LAMB4: variants seen among roughly 807,000 people sequenced by gnomAD.
The protein encoded by LAMB4 is laminin subunit beta 4, also known as laminin subunit beta-4.
LAMB4 carries 196 observed loss-of-function variants against 199.2 expected under a neutral mutation model. That is an observed-to-expected ratio of 0.98 (90% CI 0.88 to 1.11). LAMB4 has a LOEUF of 1.11. Among genes scored for constraint, LAMB4 ranks in the 50% least tolerant of loss-of-function variants. LAMB4 has a pLI of 0.00. For missense variants in LAMB4, 2,080 were observed against 2,171.2 expected (o/e 0.96, Z 0.83); for synonymous variants, 744 against 770.6 (o/e 0.97, Z 0.57).
intron 19 of LAMB4, among the ~76,000 whole-genome samples, 185 bp downstream of exon 19, chr7:108,067,831 T>C (rs143995770): frequency 6.6e-5 from 10 of 152,348 alleles, no homozygotes; most frequent in Admixed American, 2.0e-4. Context: ...TCAGGGCCCA[T>C]TGATGAATGG....
chr7:108,107,694 C>T lies in LAMB4; in HGVS notation c.528G>A (p.Gln176=). The change falls in exon 6 of 34, where the codon CAG becomes CAA. Residue 176 remains glutamine, a synonymous_variant. Coordinates refer to ENST00000388781, the MANE Select transcript of LAMB4 (RefSeq NM_007356.3). ...AGTCACAAACAATGTCTCCCACTCC[C>T]TGGGCCTGGCCAGATGTGATGTTAG... The part of the protein sequence containing the change: ...SFPNITSGQA[Q]GVGDIVCDSK... 1 of 1,613,720 alleles carries T rather than the reference C, an allele frequency of 6.2e-7. No homozygotes were observed. Among genetic ancestry groups the T allele is most frequent in the Non-Finnish European group, 8.5e-7 (1 of 1,179,908 alleles).
chr7:108,094,215 C>G (rs1331014436), intron 12 of LAMB4, among the ~76,000 whole-genome samples: 1 of 152,208 alleles, frequency 6.6e-6, no homozygotes, highest in African/African-American at 2.4e-5. Flanking sequence ...TCAGCCTGAG[C>G]CTAAGCTTTG....
rs2034814852 is a variant in LAMB4, at chr7:108,025,691, G to A, written c.5147-1513C>T. ...GATCTGCCCGTCTCAGCCTCTCAAAGTGCTGGGATAACAGGCATGGGCCAC... is the reference window on the plus strand; with the variant it reads ...GATCTGCCCGTCTCAGCCTCTCAAAATGCTGGGATAACAGGCATGGGCCAC... On this transcript the variant is annotated intron_variant, in intron 33 of 33. Transcript: ENST00000388781. 6.6e-5 allele frequency among the ~76,000 whole-genome samples: 10 copies of A among 152,202 alleles called. 1 individual carries two copies. The South Asian group carries it at 2.1e-3, about 32-fold the overall frequency.
intron 31 of LAMB4, among the ~76,000 whole-genome samples, chr7:108,033,883 G>A (rs1191922184): frequency 7.2e-5 from 11 of 152,006 alleles, no homozygotes; most frequent in Non-Finnish European, 5.9e-5. Context: ...GTATCAGAAG[G>A]GAGATGCTCT....
At chr7:108,048,182 T>G in intron 27 of LAMB4, 71 bp from the exon 28 acceptor site, 2 of 1,043,934 alleles carry the variant, frequency 1.9e-6, no homozygotes, top group Non-Finnish European at 2.8e-6. Context: ...TTTTTTTTTT[T>G]GAGACGGAGT....
At chr7:108,104,713 C>T (rs1295747427) in intron 8 of LAMB4, 94 bp from the exon 9 acceptor site, 10 of 1,336,792 alleles carry the variant, frequency 7.5e-6, no homozygotes, top group Middle Eastern at 2.0e-4. Context: ...GGTCCTGGTA[C>T]CTCTCTGATC....
intron 29 of LAMB4, among the ~76,000 whole-genome samples, chr7:108,038,649 A>AT (rs1002091064): frequency 5.3e-5 from 8 of 152,262 alleles, no homozygotes; most frequent in South Asian, 2.1e-4. Flanking sequence ...ACATTGTGAG[A>AT]TTTTTTGTGT....
intron 21 of LAMB4, among the ~76,000 whole-genome samples, chr7:108,065,220 T>TA (rs2036294753): frequency 6.6e-6 from 1 of 152,186 alleles, no homozygotes; most frequent in Non-Finnish European, 1.5e-5. Context: ...CTAGCCCTCT[T>TA]AAAGTCTTTA....
chr7:108,041,897 A>C (rs922818770), intron 29 of LAMB4, among the ~76,000 whole-genome samples: 54 of 152,226 alleles, frequency 3.5e-4, no homozygotes, highest in Non-Finnish European at 1.0e-4. Context: ...AGTTAAAAAA[A>C]AAGTTCGAAT....
chr7:108,097,855 G>T (rs1279079934), intron 11 of LAMB4, among the ~76,000 whole-genome samples: 1 of 152,276 alleles, frequency 6.6e-6, no homozygotes, highest in East Asian at 1.9e-4. Flanking sequence ...TTGCAACTTG[G>T]CGTTAAATTT....
chr7:108,030,547 T>C (rs1403600659), intron 32 of LAMB4, among the ~76,000 whole-genome samples: 1 of 152,224 alleles, frequency 6.6e-6, no homozygotes, highest in African/African-American at 2.4e-5. Flanking sequence ...ATTTATGGAC[T>C]GATTGACCAG....
intron 14 of LAMB4, among the ~76,000 whole-genome samples, chr7:108,080,012 T>C (rs1310201798): frequency 2.6e-5 from 4 of 152,196 alleles, no homozygotes; most frequent in African/African-American, 4.8e-5. Flanking sequence ...AATGATTGAT[T>C]TGAAAGCAGT....
At chr7:108,038,021 A>G (rs73726688) in intron 29 of LAMB4, among the ~76,000 whole-genome samples, 4,967 of 152,332 alleles carry the variant, frequency 0.033, 269 homozygotes, top group African/African-American at 0.11. Context: ...CTGGTCCTCC[A>G]TGACATTAAA....
At chr7:108,080,818 T>TA (rs561672595) in intron 14 of LAMB4, among the ~76,000 whole-genome samples, 4,805 of 142,336 alleles carry the variant, frequency 0.034, 249 homozygotes, top group African/African-American at 0.11. Flanking sequence ...TTCAAACATT[T>TA]AAAAAAAAAA....
intron 10 of LAMB4, among the ~76,000 whole-genome samples, chr7:108,100,644 G>T (rs995125923): frequency 6.6e-6 from 1 of 152,148 alleles, no homozygotes; most frequent in Non-Finnish European, 1.5e-5. Flanking sequence ...TGATTGATGT[G>T]CTCAAAATAT....
rs1019435907 is a variant in LAMB4 at position 108,082,112 on chromosome 7, C to T, written c.1702-2326G>A. On this transcript the variant is annotated intron_variant, in intron 14 of 33. Transcript: ENST00000388781. ...TTGGGAGGCCGAGGTGGGTGGATCACGAGGTCAGGAGATTGAGACCACCTT... is the reference window on the plus strand; with the variant it reads ...TTGGGAGGCCGAGGTGGGTGGATCATGAGGTCAGGAGATTGAGACCACCTT... 5.3e-5 allele frequency among the ~76,000 whole-genome samples: 8 copies of T among 152,120 alleles called. No individual in the cohort carries two copies. In the East Asian group the frequency reaches 1.4e-3, roughly 26 times the overall value.
At chr7:108,129,782 G>A (rs1187623899) in intron 1 of LAMB4, among the ~76,000 whole-genome samples, 1 of 152,128 alleles carries the variant, frequency 6.6e-6, no homozygotes, top group East Asian at 1.9e-4. Flanking sequence ...GCCTGCCTCG[G>A]CCTCCCAGAG....
At chr7:108,115,547 T>C (rs1340099624) in intron 3 of LAMB4, among the ~76,000 whole-genome samples, 3 of 152,074 alleles carry the variant, frequency 2.0e-5, no homozygotes. Context: ...GGTGCATGCC[T>C]GTATTTTTAG....
At chr7:108,032,954 T>C (rs553713001) in intron 31 of LAMB4, among the ~76,000 whole-genome samples, 1 of 152,302 alleles carries the variant, frequency 6.6e-6, no homozygotes, top group Admixed American at 6.5e-5. Context: ...TTTTGGCCTC[T>C]GAGACTATCA....
Sources: gnomAD v4.1 joint callset for allele counts (sites outside exome capture counted in the v4.1 genomes callset) on GRCh38, gnomAD v4.1.1 for gene constraint, MANE v1.5 for transcripts, NCBI Gene and HGNC (gene_info 2026-07-23, HGNC 2026-07-21) for gene names.